SNX4: variants seen among roughly 807,000 people sequenced by gnomAD.
SNX4 encodes sorting nexin-4.
In SNX4, 49 loss-of-function variants were observed where a neutral mutation model predicts 70.8. The observed-to-expected ratio is 0.69, with a 90% CI of 0.55 to 0.88. The LOEUF is 0.88. Ranked by LOEUF, SNX4 falls within the 40% of genes least tolerant of loss-of-function variation. The pLI is 0.00. For missense variants in SNX4, 528 were observed against 544.8 expected, an observed-to-expected ratio of 0.97 and a Z score of 0.31; for synonymous variants, 206 against 183.8, an observed-to-expected ratio of 1.12 and a Z score of -0.98.
At chr3:125,472,659 G>A (rs1934202918) in intron 8 of SNX4, among the ~76,000 whole-genome samples, 1 of 152,100 alleles carries the variant, frequency 6.6e-6, no homozygotes, top group African/African-American at 2.4e-5. Flanking sequence ...GTGAAGGGAG[G>A]TAAAGGAGGT....
rs370652461 is a variant in SNX4, at chr3:125,446,791, T to C, written c.*988A>G. The C allele has an allele frequency of 1.2e-4, 18 of 152,692 alleles. No homozygotes were observed. The highest frequency in any genetic ancestry group is 4.3e-4 in the African/African-American group (18 of 41,542). 9.5% of individuals were successfully genotyped at this position (152,692 alleles called of 1,614,324 possible). A position where few individuals can be genotyped will look rare whatever the true frequency, so the allele number is the denominator to read the frequency against. Reference sequence around the variant, plus strand: ...CATCATTAGAAATAACGAGTACACATTTTAAGATTCTGCAAAGCTAGCAAA... The same window carrying C: ...CATCATTAGAAATAACGAGTACACACTTTAAGATTCTGCAAAGCTAGCAAA... On this transcript the variant is annotated 3_prime_UTR_variant, in exon 14 of 14. Transcript: ENST00000251775.
intron 1 of SNX4, among the ~76,000 whole-genome samples, chr3:125,518,496 T>C (rs1209327656): frequency 1.3e-5 from 2 of 152,090 alleles, no homozygotes. Flanking sequence ...AAAGTCTTCA[T>C]GCTACCTTAT....
intron 7 of SNX4, among the ~76,000 whole-genome samples, chr3:125,477,391 T>C (rs963645796): frequency 1.3e-5 from 2 of 152,308 alleles, no homozygotes; most frequent in African/African-American, 4.8e-5. Flanking sequence ...ATCACTGAAA[T>C]GTGTACTGCC....
At chr3:125,457,489 C>A in intron 10 of SNX4, 124 bp from the exon 11 acceptor site, 4 of 593,006 alleles carry the variant, frequency 6.7e-6, no homozygotes, top group South Asian at 1.7e-5. Flanking sequence ...CCAGAATTTT[C>A]AAGTTTAAAA....
intron 8 of SNX4, among the ~76,000 whole-genome samples, chr3:125,476,265 CA>C (rs749425097): frequency 0.081 from 3,773 of 46,826 alleles, 78 homozygotes; most frequent in African/African-American, 0.23. Flanking sequence ...GACTCCATCT[CA>C]AAAAAAAAAA....
At chr3:125,483,610 C>T (rs1934463195) in intron 6 of SNX4, among the ~76,000 whole-genome samples, 1 of 152,202 alleles carries the variant, frequency 6.6e-6, no homozygotes, top group Non-Finnish European at 1.5e-5. Flanking sequence ...GTTTGATTAA[C>T]ACATTGGTAC....
intron 11 of SNX4, among the ~76,000 whole-genome samples, chr3:125,455,645 A>G (rs1019744660): frequency 6.6e-6 from 1 of 152,196 alleles, no homozygotes; most frequent in African/African-American, 2.4e-5. Context: ...CCTGGTCACA[A>G]GTCTTTCCCC....
chr3:125,452,493 G>C (rs1933600606), intron 12 of SNX4, among the ~76,000 whole-genome samples: 1 of 152,128 alleles, frequency 6.6e-6, no homozygotes, highest in African/African-American at 2.4e-5. Flanking sequence ...GAGATGGGAG[G>C]ATCACTTGAG....
chr3:125,516,060 G>C (rs1364590793), intron 1 of SNX4, among the ~76,000 whole-genome samples: 1 of 152,222 alleles, frequency 6.6e-6, no homozygotes, highest in African/African-American at 2.4e-5. Flanking sequence ...AGTGAAGGTA[G>C]TCAATGTGCA....
chr3:125,465,123 C>T (rs1933979563), intron 9 of SNX4, among the ~76,000 whole-genome samples: 1 of 152,142 alleles, frequency 6.6e-6, no homozygotes, highest in Non-Finnish European at 1.5e-5. Context: ...CTCCAGGGAT[C>T]TACTCACGTT....
intron 5 of SNX4, 69 bp downstream of exon 5, chr3:125,497,272 C>T (rs1193276032): frequency 3.4e-5 from 30 of 875,540 alleles, no homozygotes; most frequent in South Asian, 3.2e-4. Context: ...TACCAAGTTC[C>T]CAATGAGTGC....
At chr3:125,451,597 A>T (rs1170784060) in intron 12 of SNX4, among the ~76,000 whole-genome samples, 178 bp from the exon 13 acceptor site, 2 of 151,954 alleles carry the variant, frequency 1.3e-5, no homozygotes, top group Non-Finnish European at 2.9e-5. Flanking sequence ...AAGCAAACAG[A>T]CAGTCATATA....
At chr3:125,471,913 G>A (rs1217237042) in intron 8 of SNX4, among the ~76,000 whole-genome samples, 1 of 152,172 alleles carries the variant, frequency 6.6e-6, no homozygotes, top group African/African-American at 2.4e-5. Context: ...GCTGCAAAAG[G>A]CCTAGGGATG....
At chr3:125,511,095 G>T (rs1056421397) in intron 1 of SNX4, among the ~76,000 whole-genome samples, 1 of 152,126 alleles carries the variant, frequency 6.6e-6, no homozygotes, top group Non-Finnish European at 1.5e-5. Context: ...TGTATTTTTA[G>T]TTGAGACGGA....
Position 125,495,277 on chromosome 3 carries a change from T to TATATATATATATATATAC in SNX4, c.597+2063_597+2064insGTATATATATATATATAT. 3.0e-3 allele frequency among the ~76,000 whole-genome samples: 302 copies of TATATATATATATATATAC among 99,538 alleles called. 9 individuals carry two copies. The highest frequency in any genetic ancestry group is 8.7e-3 in the African/African-American group (243 of 27,950). 65.3% of individuals were successfully genotyped at this position (99,538 alleles called of 152,430 possible). A position where few individuals can be genotyped will look rare whatever the true frequency, so the allele number is the denominator to read the frequency against. On this transcript the variant is annotated intron_variant, in intron 5 of 13. Coordinates refer to ENST00000251775, the MANE Select transcript of SNX4 (RefSeq NM_003794.4). ...ATATATATATATATATATATATATATACACATACACACACACACACGTATG... is the reference window on the plus strand; with the variant it reads ...ATATATATATATATATATATATATATATATATATATATATATACACACATACACACACACACACGTATG...
chr3:125,447,736 TG>T lies in SNX4; in HGVS notation c.*42del, dbSNP rs770551082. 35 of 1,432,876 alleles carry T rather than the reference TG, an allele frequency of 2.4e-5. No homozygotes were observed. Among genetic ancestry groups the T allele is most frequent in the Middle Eastern group, 1.8e-4 (1 of 5,486 alleles). The allele number at this position is 1,432,876 out of a possible 1,614,324, so 88.8% of individuals were successfully genotyped here. On this transcript the variant is annotated 3_prime_UTR_variant, in exon 14 of 14. Transcript: ENST00000251775. ...AATTTCTTTTATTTACTTGTGCTTC[TG>T]TTTTGGGGCACTTTGATTGAAGAGA...
intron 11 of SNX4, 70 bp downstream of exon 11, chr3:125,457,178 GGAGTGAGTTACTCACTCA>G (rs1559809264): frequency 1.1e-6 from 1 of 870,828 alleles, no homozygotes; most frequent in African/African-American, 1.7e-5. Context: ...TGATTCTACA[GGAGTGAGTTACTCACTCA>G]GAGTGAGTGC....
Position 125,447,548 on chromosome 3 carries a change from A to C in SNX4, c.*231T>G, listed in dbSNP as rs1364949715. 1 of 380,572 alleles carries C rather than the reference A, an allele frequency of 2.6e-6. No homozygotes were observed. Among genetic ancestry groups the C allele is most frequent in the Non-Finnish European group, 4.6e-6 (1 of 217,674 alleles). The allele number at this position is 380,572 out of a possible 1,614,324, so 23.6% of individuals were successfully genotyped here. ...ATCTGTTGGTATATATTATTAAATT[A>C]ACTTTTTGGAATCAGCACCAGTCCC... On this transcript the variant is annotated 3_prime_UTR_variant, in exon 14 of 14. Coordinates refer to ENST00000251775, the MANE Select transcript of SNX4 (RefSeq NM_003794.4).
At chr3:125,517,731 T>C (rs1219148721) in intron 1 of SNX4, among the ~76,000 whole-genome samples, 4 of 152,148 alleles carry the variant, frequency 2.6e-5, no homozygotes, top group Non-Finnish European at 4.4e-5. Context: ...ATCCCAGCAC[T>C]TTAGGAGGCT....
Sources: gnomAD v4.1 joint callset for allele counts (sites outside exome capture counted in the v4.1 genomes callset) on GRCh38, gnomAD v4.1.1 for gene constraint, MANE v1.5 for transcripts, NCBI Gene and HGNC (gene_info 2026-07-23, HGNC 2026-07-21) for gene names.